KIF4A: variants seen among roughly 807,000 people sequenced by gnomAD.
The protein encoded by KIF4A is kinesin family member 4A, also known as chromosome-associated kinesin KIF4A.
Under a neutral mutation model 105.9 loss-of-function variants are expected in KIF4A, and 7 were observed. The observed-to-expected ratio is 0.07, with a 90% CI of 0.04 to 0.12. KIF4A has a LOEUF of 0.12. Ranked by LOEUF, KIF4A falls within the 10% of genes least tolerant of loss-of-function variation. The pLI is 1.00. For synonymous variants in KIF4A, 281 were observed against 331.3 expected, an observed-to-expected ratio of 0.85 and a Z score of 1.65; for missense variants, 558 against 929.2, an observed-to-expected ratio of 0.60 and a Z score of 5.19.
At chrX:70,418,034 C>G in intron 29 of KIF4A, 30 bp downstream of exon 29, 1 of 1,105,453 alleles carries the variant, frequency 9.0e-7, no homozygotes, top group Middle Eastern at 2.5e-4. Flanking sequence ...CTCTCCCCTT[C>G]CCTTCAGACC....
At chrX:70,360,958 G>A (rs936822838) in intron 15 of KIF4A, among the ~76,000 whole-genome samples, 5 of 112,797 alleles carry the variant, frequency 4.4e-5, no homozygotes, top group Admixed American at 9.3e-5. Flanking sequence ...ACGTTGGAAG[G>A]GCTCCCCATT....
Position 70,373,551 on chromosome X carries a change from TATATAC to T in KIF4A, c.1675-599_1675-594del, listed in dbSNP as rs1244785983. ...ATATATATATATATATATATATATA[TATATAC>T]GTATATATATACATATATACGTGTA... is the stretch of plus-strand genomic sequence containing the variant. On this transcript the variant is annotated intron_variant, in intron 15 of 30. Coordinates refer to ENST00000374403, the MANE Select transcript of KIF4A (RefSeq NM_012310.5). Among the ~76,000 whole-genome samples, 29 of 42,667 alleles carry T rather than the reference TATATAC, an allele frequency of 6.8e-4. 7 individuals carry two copies. The East Asian group carries it at 9.4e-3, about 14-fold the overall frequency. The allele number at this position is 42,667 out of a possible 115,157, so 37.1% of individuals were successfully genotyped here. A position where few individuals can be genotyped will look rare whatever the true frequency, so the allele number is the denominator to read the frequency against.
chrX:70,366,760 T>C (rs2086105619), intron 15 of KIF4A, among the ~76,000 whole-genome samples: 1 of 111,799 alleles, frequency 8.9e-6, no homozygotes, highest in Admixed American at 9.6e-5. Flanking sequence ...TAGATGTCTA[T>C]TAGGTCCGCT....
At chrX:70,320,696 G>A (rs781138967) in intron 7 of KIF4A, among the ~76,000 whole-genome samples, 5 of 111,776 alleles carry the variant, frequency 4.5e-5, no homozygotes, top group Non-Finnish European at 9.4e-5. Flanking sequence ...GAGGCCGAGG[G>A]GAAGAAGAGA....
chrX:70,405,709 C>A, intron 25 of KIF4A, 119 bp from the exon 26 acceptor site: 1 of 533,335 alleles, frequency 1.9e-6, no homozygotes, highest in Non-Finnish European at 3.3e-6. Flanking sequence ...GCCTGCTGTG[C>A]AAAAACCATC....
At chrX:70,387,057 G>A in intron 19 of KIF4A, 127 bp from the exon 20 acceptor site, 3 of 489,398 alleles carry the variant, frequency 6.1e-6, no homozygotes, top group Non-Finnish European at 1.0e-5. Flanking sequence ...TATGTCCATG[G>A]AAGTTTATAA....
At chrX:70,308,428 A>G (rs2147664015) in intron 7 of KIF4A, among the ~76,000 whole-genome samples, 1 of 112,514 alleles carries the variant, frequency 8.9e-6, no homozygotes, top group African/African-American at 3.2e-5. Flanking sequence ...ACCTTGATTT[A>G]CCACCCAGTC....
At chrX:70,389,978 TAAG>T (rs1432932835) in intron 20 of KIF4A, among the ~76,000 whole-genome samples, 1 of 112,567 alleles carries the variant, frequency 8.9e-6, no homozygotes, top group Non-Finnish European at 1.9e-5. Context: ...ATCAACATGT[TAAG>T]AATATTTAGA....
intron 22 of KIF4A, among the ~76,000 whole-genome samples, chrX:70,401,398 G>A (rs1223830411): frequency 2.0e-5 from 2 of 102,310 alleles, no homozygotes; most frequent in African/African-American, 7.2e-5. Flanking sequence ...ATTTTTAAGT[G>A]AATTAATTTT....
At position 70,352,859 on chromosome X, in the gene KIF4A, G is replaced by A. The variant is rs2297870; in HGVS notation, c.1488+203G>A. On this transcript the variant is annotated intron_variant, in intron 14 of 30. Transcript: ENST00000374403. ...TACCACTAATAGTATAACTGGTAATGGGGGGCAGGACTTCTCAAGAATGTA... is the reference window on the plus strand; with the variant it reads ...TACCACTAATAGTATAACTGGTAATAGGGGGCAGGACTTCTCAAGAATGTA... Among the ~76,000 whole-genome samples, 594 of 111,919 alleles carry A rather than the reference G, an allele frequency of 5.3e-3. 26 individuals are homozygous for A. The East Asian group carries it at 0.095, about 18-fold the overall frequency.
At chrX:70,366,656 T>A (rs1355984083) in intron 15 of KIF4A, among the ~76,000 whole-genome samples, 2 of 111,645 alleles carry the variant, frequency 1.8e-5, no homozygotes, top group Non-Finnish European at 1.9e-5. Flanking sequence ...TGCTGAGGAG[T>A]GCTTTACTTC....
chrX:70,299,690 A>C (rs1367265900), intron 5 of KIF4A, among the ~76,000 whole-genome samples: 1 of 111,909 alleles, frequency 8.9e-6, no homozygotes, highest in Non-Finnish European at 1.9e-5. Flanking sequence ...GCCAGCTACT[A>C]ATGCATGGAT....
intron 10 of KIF4A, among the ~76,000 whole-genome samples, chrX:70,334,071 T>C (rs1233102383): frequency 8.9e-6 from 1 of 111,740 alleles, no homozygotes; most frequent in Non-Finnish European, 1.9e-5. Context: ...TCAGGTTGGC[T>C]CTTCTCAAGT....
intron 4 of KIF4A, among the ~76,000 whole-genome samples, chrX:70,298,008 C>T (rs948682144): frequency 4.5e-5 from 5 of 110,627 alleles, no homozygotes; most frequent in African/African-American, 9.9e-5. Flanking sequence ...CGGTGGTTCA[C>T]GCCTGTAATC....
At chrX:70,364,149 C>G (rs1213210439) in intron 15 of KIF4A, among the ~76,000 whole-genome samples, 1 of 111,864 alleles carries the variant, frequency 8.9e-6, no homozygotes, top group African/African-American at 3.3e-5. Flanking sequence ...AGCCCTTTGT[C>G]AGATGAGTAG....
rs767770689 is a variant in KIF4A, at chrX:70,407,021, C to T, written c.3201C>T (p.Asp1067=). The T allele has an allele frequency of 2.0e-5, 24 of 1,207,397 alleles. No homozygotes were observed. In the East Asian group the frequency reaches 4.2e-4, roughly 21 times the overall value. The change falls in exon 28 of 31, where the codon GAC becomes GAT. Residue 1067 remains aspartate (D), a synonymous_variant. Coordinates refer to ENST00000374403, the MANE Select transcript of KIF4A (RefSeq NM_012310.5). ...ATGGTGATGATGATGAGGGGGATGA[C>T]GAGGAATGGAAGCCAACAAAATTAG... ...DGDGDDDEGD[D]EEWKPTKLVK...
At chrX:70,365,474 G>T (rs1331162568) in intron 15 of KIF4A, among the ~76,000 whole-genome samples, 1 of 111,923 alleles carries the variant, frequency 8.9e-6, no homozygotes, top group Admixed American at 9.5e-5. Context: ...TTTTGTCAAA[G>T]GCCTTTTCTG....
chrX:70,327,119 G>T (rs556858455), intron 7 of KIF4A, among the ~76,000 whole-genome samples: 2 of 111,713 alleles, frequency 1.8e-5, no homozygotes, highest in Admixed American at 9.6e-5. Context: ...AAAAGAGAAG[G>T]AAAAGACAGG....
intron 10 of KIF4A, among the ~76,000 whole-genome samples, chrX:70,335,597 A>T (rs1177688262): frequency 1.8e-5 from 2 of 112,300 alleles, no homozygotes; most frequent in Non-Finnish European, 3.8e-5. Flanking sequence ...GGATATAAGT[A>T]CAATTTTATT....
Sources: gnomAD v4.1 joint callset for allele counts (sites outside exome capture counted in the v4.1 genomes callset) on GRCh38, gnomAD v4.1.1 for gene constraint, MANE v1.5 for transcripts, NCBI Gene and HGNC (gene_info 2026-07-23, HGNC 2026-07-21) for gene names.